STK32B: variants seen among roughly 807,000 people sequenced by gnomAD.
The protein encoded by STK32B is serine/threonine kinase 32B, also known as serine/threonine-protein kinase 32B.
A neutral mutation model predicts 52.6 loss-of-function variants in STK32B; 43 were observed. The observed-to-expected ratio is 0.82, with a 90% confidence interval of 0.64 to 1.05. The LOEUF is 1.05. STK32B is among the 50% of genes least tolerant of loss of function. The pLI is 0.00. For missense variants in STK32B, 621 were observed against 534.6 expected (o/e 1.16, Z -1.59); for synonymous variants, 238 against 204.3 (o/e 1.17, Z -1.41).
At chr4:5,312,660 C>T (rs28835033) in intron 3 of STK32B, among the ~76,000 whole-genome samples, 2,210 of 151,984 alleles carry the variant, frequency 0.015, 26 homozygotes, top group South Asian at 0.057. Context: ...TGTATATGTG[C>T]CACATTTTCT....
chr4:5,474,143 T>A (rs930224011), intron 11 of STK32B, among the ~76,000 whole-genome samples: 1 of 152,110 alleles, frequency 6.6e-6, no homozygotes, highest in African/African-American at 2.4e-5. Context: ...TAATGTTGGC[T>A]GACTTCATCT....
At chr4:5,408,198 A>G (rs195115) in intron 5 of STK32B, among the ~76,000 whole-genome samples, 120,553 of 152,080 alleles carry the variant, frequency 0.79, 47,982 homozygotes, top group Middle Eastern at 0.92. Context: ...CTTAGGACTA[A>G]TCCTTCTGGT....
chr4:5,446,064 A>G (rs867366397), intron 6 of STK32B, among the ~76,000 whole-genome samples: 3 of 152,022 alleles, frequency 2.0e-5, no homozygotes, highest in South Asian at 2.1e-4. Flanking sequence ...TACTCCACCA[A>G]TCCACCCCCT....
rs55888718 is a variant in STK32B at position 5,244,083 on chromosome 4, G to A, written c.260+75633G>A. ...TGCTCAGCTTTGGTATCAGGATGAT[G>A]CTGGCCTCATAAAATGAGTTAGGGA... is the stretch of plus-strand genomic sequence containing the variant. On this transcript the variant is annotated intron_variant, in intron 3 of 11. Transcript: ENST00000282908. Among the ~76,000 whole-genome samples, 1,458 of 152,148 alleles carry A rather than the reference G, an allele frequency of 9.6e-3. 21 individuals are homozygous for A. The highest frequency in any genetic ancestry group is 0.022 in the African/African-American group (895 of 41,462).
At chr4:5,154,245 C>T (rs1014513371) in intron 2 of STK32B, among the ~76,000 whole-genome samples, 5 of 130,190 alleles carry the variant, frequency 3.8e-5, no homozygotes, top group African/African-American at 9.0e-5. Flanking sequence ...GACAGAGTTT[C>T]GCTCTTGTTG....
At chr4:5,461,988 A>T (rs1344118427) in intron 9 of STK32B, among the ~76,000 whole-genome samples, 1 of 152,204 alleles carries the variant, frequency 6.6e-6, no homozygotes, top group South Asian at 2.1e-4. Context: ...CTTAGCATAG[A>T]GTGGCTGTTC....
intron 3 of STK32B, among the ~76,000 whole-genome samples, chr4:5,241,253 A>G (rs146267127): frequency 1.3e-5 from 2 of 152,318 alleles, no homozygotes; most frequent in African/African-American, 4.8e-5. Context: ...ATGTTTATAA[A>G]TGAGGCTGCA....
At chr4:5,339,512 C>T (rs1370886300) in intron 4 of STK32B, among the ~76,000 whole-genome samples, 1 of 152,184 alleles carries the variant, frequency 6.6e-6, no homozygotes, top group Non-Finnish European at 1.5e-5. Flanking sequence ...TATGGAAATG[C>T]TGTGCAATGT....
intron 4 of STK32B, among the ~76,000 whole-genome samples, chr4:5,368,959 A>G (rs1205631398): frequency 1.3e-5 from 2 of 151,842 alleles, no homozygotes; most frequent in Non-Finnish European, 2.9e-5. Context: ...TGTCCTTCCC[A>G]TGGTCTGTAG....
At chr4:5,180,590 C>T (rs1276247132) in intron 3 of STK32B, among the ~76,000 whole-genome samples, 1 of 152,164 alleles carries the variant, frequency 6.6e-6, no homozygotes, top group Non-Finnish European at 1.5e-5. Context: ...CTGTGCTTCT[C>T]TTTGGTGGCC....
intron 5 of STK32B, among the ~76,000 whole-genome samples, chr4:5,403,399 C>T (rs1737445294): frequency 6.6e-6 from 1 of 152,156 alleles, no homozygotes; most frequent in Admixed American, 6.5e-5. Flanking sequence ...CCCATGGAAA[C>T]CACAATAAAG....
At chr4:5,136,503 C>T (rs1030676299) in intron 1 of STK32B, among the ~76,000 whole-genome samples, 3 of 152,196 alleles carry the variant, frequency 2.0e-5, no homozygotes, top group African/African-American at 7.2e-5. Context: ...GGTTCCTGTT[C>T]AGAAACCAAG....
At position 5,453,447 on chromosome 4, in the gene STK32B, C is replaced by T. The variant is rs912709145; in HGVS notation, c.667-3360C>T. ...TGAGAATCGGGGACATTGGGAAAGT[C>T]TCTTTTCATCTCCCAGCCTCAGTTT... On this transcript the variant is annotated intron_variant, in intron 7 of 11. Coordinates refer to ENST00000282908, the MANE Select transcript of STK32B (RefSeq NM_018401.3). The surrounding 1 kb of genome is among the most constrained non-coding windows in gnomAD (Gnocchi z 4.0). Among the ~76,000 whole-genome samples the T allele has an allele frequency of 6.6e-6, 1 of 152,140 alleles. No individual in the cohort carries two copies. The highest frequency in any genetic ancestry group is 1.5e-5 in the Non-Finnish European group (1 of 68,018).
In STK32B at chr4:5,319,057, G is replaced by C. The variant is rs571866328; in HGVS notation, c.261-12163G>C. Among the ~76,000 whole-genome samples the C allele has an allele frequency of 2.0e-5, 3 of 152,178 alleles. No homozygotes were observed. The South Asian group carries it at 6.2e-4, about 32-fold the overall frequency. The stretch of plus-strand genomic sequence containing the variant: ...CTGACCTTGTGATCCACCCGCCTTG[G>C]CCTCCCAAAGTGCTGGGATTACAGG... On this transcript the variant is annotated intron_variant, in intron 3 of 11. Transcript: ENST00000282908.
chr4:5,270,782 G>C (rs866844581), intron 3 of STK32B, among the ~76,000 whole-genome samples: 3 of 152,290 alleles, frequency 2.0e-5, no homozygotes, highest in Non-Finnish European at 2.9e-5. Context: ...CAGATGATAT[G>C]CTTATGTCAT....
intron 1 of STK32B, among the ~76,000 whole-genome samples, chr4:5,135,459 ATAGT>A (rs1716015765): frequency 6.6e-6 from 1 of 152,226 alleles, no homozygotes; most frequent in Non-Finnish European, 1.5e-5. Context: ...TAACAATAAA[ATAGT>A]TAGCATTTAC....
At chr4:5,304,575 C>T (rs1458818299) in intron 3 of STK32B, among the ~76,000 whole-genome samples, 2 of 151,896 alleles carry the variant, frequency 1.3e-5, no homozygotes, top group African/African-American at 2.4e-5. Flanking sequence ...GTTCTAGGAG[C>T]TTTTTCGATG....
At chr4:5,344,006 A>T (rs1733282637) in intron 4 of STK32B, among the ~76,000 whole-genome samples, 1 of 152,220 alleles carries the variant, frequency 6.6e-6, no homozygotes, top group Admixed American at 6.5e-5. Flanking sequence ...GAGCAAATGA[A>T]CAATGAAGGC....
chr4:5,162,105 C>T lies in STK32B; in HGVS notation c.109-6194C>T, dbSNP rs183300508. ...CCCAGGCTCACTATGAAAGGATCCT[C>T]GAGACTTTGCACCCCATAGTCCTGA... On this transcript the variant is annotated intron_variant, in intron 2 of 11. Coordinates refer to ENST00000282908, the MANE Select transcript of STK32B (RefSeq NM_018401.3). Among the ~76,000 whole-genome samples the T allele has an allele frequency of 1.8e-3, 275 of 152,230 alleles. 1 individual carries two copies. The highest frequency in any genetic ancestry group is 3.4e-3 in the Non-Finnish European group (231 of 68,018).
Sources: allele counts gnomAD v4.1 joint callset (sites outside exome capture counted in the v4.1 genomes callset), GRCh38; gene constraint gnomAD v4.1.1; non-coding constraint Gnocchi (gnomAD v3.1); transcripts MANE v1.5; gene names NCBI Gene and HGNC (gene_info 2026-07-23, HGNC 2026-07-21).